Variants in AEBP2 observed in about 807,000 individuals in gnomAD.
The protein encoded by AEBP2 is zinc finger protein AEBP2.
A neutral mutation model predicts 50.8 loss-of-function variants in AEBP2; 10 were observed. That is an observed-to-expected ratio of 0.20 (90% confidence interval 0.12 to 0.33). AEBP2 has a LOEUF of 0.33. Among genes scored for constraint, AEBP2 ranks in the 10% least tolerant of loss-of-function variants. The pLI, the probability that AEBP2 is intolerant of heterozygous loss-of-function variation, is 1.00. For missense variants in AEBP2, 570 were observed against 688.0 expected (o/e 0.83, Z 1.92); for synonymous variants, 296 against 261.3 (o/e 1.13, Z -1.28).
At chr12:19,477,343 T>C (rs1311343504) in intron 3 of AEBP2, among the ~76,000 whole-genome samples, 1 of 152,180 alleles carries the variant, frequency 6.6e-6, no homozygotes, top group Non-Finnish European at 1.5e-5. Context: ...TTATGTTGAA[T>C]GGAAGTGGTG....
intron 3 of AEBP2, among the ~76,000 whole-genome samples, chr12:19,476,588 C>T (rs1479783679): frequency 4.6e-5 from 7 of 152,136 alleles, no homozygotes; most frequent in Admixed American, 6.6e-5. Flanking sequence ...GTGATCCGCC[C>T]GCCTTAGCCT....
chr12:19,471,120 G>GTT (rs995546159), intron 2 of AEBP2, among the ~76,000 whole-genome samples: 1 of 151,006 alleles, frequency 6.6e-6, no homozygotes, highest in Non-Finnish European at 1.5e-5. Context: ...TAGTAGTTGT[G>GTT]TTTTTTTTTC....
intron 1 of AEBP2, chr12:19,456,667 C>T (rs1224210089): frequency 1.9e-6 from 3 of 1,551,490 alleles, no homozygotes; most frequent in African/African-American, 2.7e-5. Flanking sequence ...GCATCATTGC[C>T]ATGACGAACA....
At chr12:19,457,989 C>T (rs1045303192) in intron 1 of AEBP2, among the ~76,000 whole-genome samples, 1 of 152,154 alleles carries the variant, frequency 6.6e-6, no homozygotes. Flanking sequence ...TATAGGTCTT[C>T]ACATTTCATG....
At chr12:19,456,118 GT>G (rs779648660) in intron 1 of AEBP2, 3 of 575,144 alleles carry the variant, frequency 5.2e-6, no homozygotes, top group Non-Finnish European at 8.6e-6. Flanking sequence ...CCTTCTGAAG[GT>G]TTTACAATGC....
intron 3 of AEBP2, among the ~76,000 whole-genome samples, chr12:19,483,006 C>G (rs1349548272): frequency 6.6e-6 from 1 of 152,144 alleles, no homozygotes; most frequent in African/African-American, 2.4e-5. Context: ...AGACCTCGCC[C>G]CTCCCCGTCT....
At chr12:19,419,346 T>C (rs1444425298) in intron 1 of AEBP2, among the ~76,000 whole-genome samples, 1 of 152,108 alleles carries the variant, frequency 6.6e-6, no homozygotes, top group East Asian at 1.9e-4. Flanking sequence ...TCCCAGCACA[T>C]TGGGAGGCCC....
At chr12:19,478,361 TCTCAG>T (rs1948681203) in intron 3 of AEBP2, among the ~76,000 whole-genome samples, 1 of 152,176 alleles carries the variant, frequency 6.6e-6, no homozygotes, top group South Asian at 2.1e-4. Context: ...AGTGGCATGA[TCTCAG>T]CTCACTGCAA....
intron 1 of AEBP2, among the ~76,000 whole-genome samples, chr12:19,457,799 A>G (rs1948297297): frequency 6.6e-6 from 1 of 152,226 alleles, no homozygotes. Context: ...GAAATGCTTT[A>G]TCTCAGGACC....
intron 1 of AEBP2, among the ~76,000 whole-genome samples, chr12:19,412,105 G>A (rs977923003): frequency 6.6e-6 from 1 of 152,244 alleles, no homozygotes; most frequent in Non-Finnish European, 1.5e-5. Context: ...TCTCAGCAGG[G>A]CTGTATCTGT....
intron 1 of AEBP2, among the ~76,000 whole-genome samples, chr12:19,442,907 A>G (rs1184400808): frequency 6.6e-6 from 1 of 152,204 alleles, no homozygotes; most frequent in Non-Finnish European, 1.5e-5. Context: ...ATTTCATGGT[A>G]AGAAAACTTC....
chr12:19,405,010 C>A (rs1252859388), intron 1 of AEBP2, among the ~76,000 whole-genome samples: 1 of 145,388 alleles, frequency 6.9e-6, no homozygotes, highest in East Asian at 2.1e-4. Flanking sequence ...TCTGGACTCA[C>A]TGCAACCTCT....
At chr12:19,424,831 A>T (rs887359616) in intron 1 of AEBP2, among the ~76,000 whole-genome samples, 1 of 150,956 alleles carries the variant, frequency 6.6e-6, no homozygotes, top group Non-Finnish European at 1.5e-5. Flanking sequence ...AACATGGTGA[A>T]ACCCCATCTC....
intron 1 of AEBP2, among the ~76,000 whole-genome samples, chr12:19,424,899 C>T (rs1565697562): frequency 6.6e-6 from 1 of 152,018 alleles, no homozygotes; most frequent in Non-Finnish European, 1.5e-5. Flanking sequence ...GGCCCAGCTA[C>T]TCAGGAGGCT....
chr12:19,451,930 C>T (rs2153368186), intron 1 of AEBP2, among the ~76,000 whole-genome samples: 1 of 152,188 alleles, frequency 6.6e-6, no homozygotes, highest in South Asian at 2.1e-4. Flanking sequence ...CTTGCTCTGT[C>T]ACCCAGACGG....
chr12:19,404,489 C>T (rs929748061), intron 1 of AEBP2, among the ~76,000 whole-genome samples: 1 of 152,146 alleles, frequency 6.6e-6, no homozygotes. Flanking sequence ...TTCAAAGGGT[C>T]TGTGGTTTTC....
chr12:19,517,932 TA>T (rs1949344131), intron 7 of AEBP2, among the ~76,000 whole-genome samples, 154 bp from the exon 8 acceptor site: 2 of 152,254 alleles, frequency 1.3e-5, no homozygotes, highest in African/African-American at 4.8e-5. Context: ...TAACTAAGTA[TA>T]GATCCATATG....
chr12:19,482,345 G>C (rs761205195), intron 3 of AEBP2, among the ~76,000 whole-genome samples: 25 of 152,126 alleles, frequency 1.6e-4, no homozygotes, highest in Non-Finnish European at 4.4e-5. Context: ...GGTGGTGTTC[G>C]GTTGTAGATA....
At chr12:19,447,515 G>A (rs1948092806) in intron 1 of AEBP2, among the ~76,000 whole-genome samples, 1 of 152,144 alleles carries the variant, frequency 6.6e-6, no homozygotes, top group African/African-American at 2.4e-5. Context: ...AGTTTGCATT[G>A]TTTTTCCAGA....
Sources: allele counts gnomAD v4.1 joint callset (sites outside exome capture counted in the v4.1 genomes callset), GRCh38; gene constraint gnomAD v4.1.1; transcripts MANE v1.5; gene names NCBI Gene and HGNC (gene_info 2026-07-23, HGNC 2026-07-21).